PIAS1: variants seen among roughly 807,000 people sequenced by gnomAD.
The protein encoded by PIAS1 is E3 SUMO-protein ligase PIAS1.
A neutral mutation model predicts 71.3 loss-of-function variants in PIAS1; 6 were observed. The ratio of observed to expected loss-of-function variants is 0.08; its 90% CI spans 0.05 to 0.17. The LOEUF is 0.17. Ranked by LOEUF, PIAS1 falls within the 10% of genes least tolerant of loss-of-function variation. The pLI is 1.00. For synonymous variants in PIAS1, 303 were observed against 292.9 expected (o/e 1.03, Z -0.35); for missense variants, 555 against 793.6 (o/e 0.70, Z 3.61).
chr15:68,156,954 TATAC>T (rs2092894535), intron 7 of PIAS1, among the ~76,000 whole-genome samples: 1 of 152,182 alleles, frequency 6.6e-6, no homozygotes, highest in Non-Finnish European at 1.5e-5. Context: ...TTTGTAATAG[TATAC>T]GTAAGAGATG....
At chr15:68,072,888 C>T (rs1414133511) in intron 1 of PIAS1, among the ~76,000 whole-genome samples, 1 of 152,156 alleles carries the variant, frequency 6.6e-6, no homozygotes, top group African/African-American at 2.4e-5. Flanking sequence ...GTATAAACTT[C>T]AGTTTTGCCC....
chr15:68,165,271 G>A (rs559294866), intron 8 of PIAS1, among the ~76,000 whole-genome samples: 6 of 152,020 alleles, frequency 3.9e-5, no homozygotes, highest in East Asian at 1.9e-4. Flanking sequence ...ATAGGCATGC[G>A]CCACCACACC....
At chr15:68,172,159 T>C (rs62004815) in intron 8 of PIAS1, among the ~76,000 whole-genome samples, 40,688 of 151,210 alleles carry the variant, frequency 0.27, 6,152 homozygotes, top group Middle Eastern at 0.38. Context: ...TGAGAACATG[T>C]GATGTTTGGT....
At chr15:68,120,990 A>C (rs539373952) in intron 2 of PIAS1, among the ~76,000 whole-genome samples, 4 of 152,182 alleles carry the variant, frequency 2.6e-5, no homozygotes, top group African/African-American at 9.6e-5. Flanking sequence ...TGCTTTAAAC[A>C]ATCAGTTCTC....
Position 68,054,437 on chromosome 15 carries a change from G to T in PIAS1, c.24+87G>T. On this transcript the variant is annotated intron_variant, in intron 1 of 13. Coordinates refer to ENST00000249636, the MANE Select transcript of PIAS1 (RefSeq NM_016166.3). The surrounding 1 kb of genome is among the most constrained non-coding windows in gnomAD (Gnocchi z 4.6). Reference sequence around the variant, plus strand: ...GGGGGGATGGGTCCGACCCTGGGGGGCCTCTCGGGCCTGACTCCACCCGGG... The same window carrying T: ...GGGGGGATGGGTCCGACCCTGGGGGTCCTCTCGGGCCTGACTCCACCCGGG... 1.4e-6 allele frequency: 2 copies of T among 1,384,950 alleles called. No homozygotes were observed. Among genetic ancestry groups the T allele is most frequent in the East Asian group, 2.6e-5 (1 of 39,186 alleles). 85.8% of individuals were successfully genotyped at this position (1,384,950 alleles called of 1,614,324 possible).
chr15:68,106,267 G>C (rs1223612087), intron 2 of PIAS1, among the ~76,000 whole-genome samples: 1 of 147,916 alleles, frequency 6.8e-6, no homozygotes, highest in Non-Finnish European at 1.5e-5. Flanking sequence ...GAGATACTTG[G>C]CTATTTGTAC....
intron 2 of PIAS1, among the ~76,000 whole-genome samples, chr15:68,129,348 C>G (rs2092673222): frequency 6.6e-6 from 1 of 152,078 alleles, no homozygotes; most frequent in Admixed American, 6.6e-5. Context: ...GTTGACAGAC[C>G]TGAGCCACTG....
intron 7 of PIAS1, among the ~76,000 whole-genome samples, chr15:68,159,524 T>G (rs2141071254): frequency 6.6e-6 from 1 of 152,286 alleles, no homozygotes; most frequent in South Asian, 2.1e-4. Context: ...TTCTGCTCTG[T>G]AGTTTTGTCT....
chr15:68,062,766 A>G (rs772990730), intron 1 of PIAS1, among the ~76,000 whole-genome samples: 8 of 152,240 alleles, frequency 5.3e-5, no homozygotes, highest in Non-Finnish European at 1.2e-4. Flanking sequence ...GAAGGAACTT[A>G]AGTGAATGTA....
At chr15:68,108,781 A>G (rs1050087795) in intron 2 of PIAS1, among the ~76,000 whole-genome samples, 2 of 152,036 alleles carry the variant, frequency 1.3e-5, no homozygotes, top group African/African-American at 4.8e-5. Context: ...CTCTTTTGTT[A>G]TGTTCCAGTT....
chr15:68,094,220 A>C (rs2092355704), intron 2 of PIAS1, among the ~76,000 whole-genome samples: 2 of 151,720 alleles, frequency 1.3e-5, no homozygotes, highest in Admixed American at 1.3e-4. Context: ...ATTCTGGAGA[A>C]GACCGGCAAC....
intron 1 of PIAS1, among the ~76,000 whole-genome samples, chr15:68,075,258 G>A (rs1461127804): frequency 6.6e-6 from 1 of 151,304 alleles, no homozygotes; most frequent in Non-Finnish European, 1.5e-5. Flanking sequence ...GCTAATTTTT[G>A]TATTTTTAGT....
chr15:68,058,550 C>T (rs191905244), intron 1 of PIAS1, among the ~76,000 whole-genome samples: 1 of 152,250 alleles, frequency 6.6e-6, no homozygotes, highest in East Asian at 1.9e-4. Flanking sequence ...TCTAGGGTGC[C>T]CAGTTCACAG....
chr15:68,128,428 G>A (rs905925016), intron 2 of PIAS1, among the ~76,000 whole-genome samples: 8 of 152,172 alleles, frequency 5.3e-5, no homozygotes, highest in Non-Finnish European at 1.0e-4. Flanking sequence ...GATTACAGGT[G>A]TGAGCCACTG....
In PIAS1 at chr15:68,173,821, T is replaced by C. The variant is rs2093005991; in HGVS notation, c.1098T>C (p.Asn366=). ...CFDATLYIQM[N]EKKPTWVCPV... ...ACGCAACTCTTTACATTCAGATGAATGAGAAAAAACCAACCTGGGTTTGTC... is the reference window on the plus strand; with the variant it reads ...ACGCAACTCTTTACATTCAGATGAACGAGAAAAAACCAACCTGGGTTTGTC... The change falls in exon 9 of 14, where the codon AAT becomes AAC. Residue 366 remains asparagine, a synonymous_variant. Transcript: ENST00000249636. This position sits in a 1 kb window ranked among gnomAD's most constrained non-coding sequence, Gnocchi z 4.3. The C allele has an allele frequency of 1.9e-6, 3 of 1,601,956 alleles. No homozygotes were observed. Among genetic ancestry groups the C allele is most frequent in the Non-Finnish European group, 2.6e-6 (3 of 1,171,134 alleles).
At chr15:68,096,750 G>A (rs1299168353) in intron 2 of PIAS1, among the ~76,000 whole-genome samples, 1 of 151,904 alleles carries the variant, frequency 6.6e-6, no homozygotes, top group Non-Finnish European at 1.5e-5. Context: ...CTCATTTTTT[G>A]TGTGTCGATT....
At chr15:68,131,577 T>C (rs888372591) in intron 2 of PIAS1, among the ~76,000 whole-genome samples, 1 of 152,206 alleles carries the variant, frequency 6.6e-6, no homozygotes, top group African/African-American at 2.4e-5. Flanking sequence ...ATTCCACATA[T>C]AAGTGAGAGC....
Position 68,193,782 on chromosome 15 carries a change from A to C in PIAS1, c.*5947A>C. 2.4e-6 allele frequency: 1 copy of C among 421,470 alleles called. No homozygotes were observed. 26.1% of individuals were successfully genotyped at this position (421,470 alleles called of 1,614,324 possible). The stretch of plus-strand genomic sequence containing the variant: ...AACCGCAGGCTCCTTCCATGCTTGA[A>C]AGGGCCGGACTCACGGTAGTTAATA... On this transcript the variant is annotated 3_prime_UTR_variant, in exon 14 of 14. Transcript: ENST00000249636.
intron 2 of PIAS1, among the ~76,000 whole-genome samples, chr15:68,105,808 A>G (rs1202200579): frequency 6.6e-6 from 1 of 152,160 alleles, no homozygotes; most frequent in East Asian, 1.9e-4. Context: ...CCATCTCTAA[A>G]AAAAATTTTT....
Sources: gnomAD v4.1 joint callset for allele counts (sites outside exome capture counted in the v4.1 genomes callset) on GRCh38, gnomAD v4.1.1 for gene constraint, Gnocchi (gnomAD v3.1) non-coding constraint, MANE v1.5 for transcripts, NCBI Gene and HGNC (gene_info 2026-07-23, HGNC 2026-07-21) for gene names.